PRDM5: variants seen among roughly 807,000 people sequenced by gnomAD.
PRDM5 encodes PR/SET domain 5.
Under a neutral mutation model 81.2 loss-of-function variants are expected in PRDM5, and 56 were observed. That is an observed-to-expected ratio of 0.69 (90% CI 0.56 to 0.86). The LOEUF (loss-of-function observed/expected upper bound fraction) is 0.86, where lower values mean the gene tolerates loss of function less well. Among genes scored for constraint, PRDM5 ranks in the 40% least tolerant of loss-of-function variants. The pLI is 0.00. For synonymous variants in PRDM5, 267 were observed against 256.4 expected (o/e 1.04, Z -0.39); for missense variants, 697 against 770.1 (o/e 0.91, Z 1.12).
chr4:120,775,251 C>CA (rs1177262741), intron 13 of PRDM5, among the ~76,000 whole-genome samples: 1 of 151,800 alleles, frequency 6.6e-6, no homozygotes, highest in African/African-American at 2.4e-5. Context: ...CATAAGACAA[C>CA]AAAAACCATG....
intron 2 of PRDM5, among the ~76,000 whole-genome samples, chr4:120,883,015 T>C (rs1249883104): frequency 6.6e-6 from 1 of 152,256 alleles, no homozygotes; most frequent in African/African-American, 2.4e-5. Context: ...TAGTACTCGC[T>C]GGATCTCAAG....
chr4:120,686,395 A>G lies in PRDM5; in HGVS notation n.104-1370T>C, dbSNP rs560457660. Among the ~76,000 whole-genome samples the G allele has an allele frequency of 3.9e-5, 6 of 152,262 alleles. No individual in the cohort carries two copies. The South Asian group carries it at 1.2e-3, about 32-fold the overall frequency. ...CTAAATTTTAAAATTGATGTGTTAC[A>G]TTGTACCTTTGTTAAAGTATTTCCT... On this transcript the variant is annotated intron_variant and non_coding_transcript_variant, in intron 1 of 1. Transcript: ENST00000513741.
chr4:120,885,819 C>A (rs143056245), intron 2 of PRDM5: 6 of 151,828 alleles, frequency 4.0e-5, no homozygotes, highest in Non-Finnish European at 8.8e-5. Flanking sequence ...AAAATTCCTC[C>A]AGTTCTATAA....
chr4:120,843,274 C>T (rs1191010869), intron 3 of PRDM5, among the ~76,000 whole-genome samples: 3 of 152,130 alleles, frequency 2.0e-5, no homozygotes, highest in Non-Finnish European at 4.4e-5. Context: ...GCAGAGGTCG[C>T]AGTGAGCCGA....
At chr4:120,801,805 C>T (rs550173726) in intron 8 of PRDM5, among the ~76,000 whole-genome samples, 1 of 151,980 alleles carries the variant, frequency 6.6e-6, no homozygotes, top group Non-Finnish European at 1.5e-5. Context: ...GTTTGAGGAC[C>T]AATGATATGA....
At chr4:120,781,075 A>G in intron 12 of PRDM5, 68 bp downstream of exon 12, 1 of 1,289,832 alleles carries the variant, frequency 7.8e-7, no homozygotes, top group East Asian at 2.3e-5. Flanking sequence ...ATCACATGTT[A>G]GTTAACATAT....
chr4:120,760,666 T>C (rs1410655422), intron 13 of PRDM5, among the ~76,000 whole-genome samples: 7 of 151,942 alleles, frequency 4.6e-5, no homozygotes, highest in African/African-American at 9.7e-5. Flanking sequence ...ATGGTAACTA[T>C]AAAAAGTTGA....
intron 2 of PRDM5, among the ~76,000 whole-genome samples, chr4:120,866,725 CT>C (rs1406724322): frequency 3.9e-5 from 6 of 152,162 alleles, no homozygotes; most frequent in Non-Finnish European, 5.9e-5. Context: ...AATACACTCA[CT>C]ACCTTGGTCA....
intron 14 of PRDM5, among the ~76,000 whole-genome samples, chr4:120,742,357 TA>T (rs1288208569): frequency 2.6e-5 from 4 of 152,162 alleles, no homozygotes; most frequent in African/African-American, 9.7e-5. Context: ...CTGGAAACTC[TA>T]AAAAGCAGAG....
chr4:120,777,140 T>C (rs781034988), intron 13 of PRDM5, 48 bp downstream of exon 13: 4 of 1,612,618 alleles, frequency 2.5e-6, no homozygotes, highest in South Asian at 2.2e-5. Context: ...TGGAAGCATG[T>C]GATTTCTCTA....
intron 2 of PRDM5, among the ~76,000 whole-genome samples, chr4:120,867,761 T>A (rs1318268952): frequency 6.6e-6 from 1 of 152,186 alleles, no homozygotes; most frequent in Admixed American, 6.5e-5. Context: ...TTAAAATAAG[T>A]CATCTAAAAT....
intron 2 of PRDM5, among the ~76,000 whole-genome samples, chr4:120,877,762 G>A (rs1762464291): frequency 6.6e-6 from 1 of 152,142 alleles, no homozygotes; most frequent in Non-Finnish European, 1.5e-5. Flanking sequence ...CCAAGATTGT[G>A]CCACTGCATT....
intron 2 of PRDM5, among the ~76,000 whole-genome samples, chr4:120,906,825 C>A (rs1223290359): frequency 1.3e-5 from 2 of 151,918 alleles, no homozygotes; most frequent in Non-Finnish European, 2.9e-5. Context: ...ATTAGAACTT[C>A]AACTAGTAAA....
chr4:120,873,647 A>ATTTC (rs1240066435), intron 2 of PRDM5, among the ~76,000 whole-genome samples: 1 of 152,198 alleles, frequency 6.6e-6, no homozygotes, highest in Admixed American at 6.5e-5. Flanking sequence ...CATCCTACAG[A>ATTTC]TTTCTCATGT....
At chr4:120,822,517 G>A (rs938900412) in intron 3 of PRDM5, among the ~76,000 whole-genome samples, 7 of 152,168 alleles carry the variant, frequency 4.6e-5, no homozygotes, top group Non-Finnish European at 1.0e-4. Flanking sequence ...GAATAGGAGA[G>A]AGGGGAGGAA....
chr4:120,888,869 T>C (rs1436173605), intron 2 of PRDM5, among the ~76,000 whole-genome samples: 1 of 152,250 alleles, frequency 6.6e-6, no homozygotes, highest in African/African-American at 2.4e-5. Flanking sequence ...TTCATGTTCA[T>C]TGGCCATCTG....
Position 120,695,045 on chromosome 4 carries a change from G to T in PRDM5, c.*66C>A. 3 of 1,535,476 alleles carry T rather than the reference G, an allele frequency of 2.0e-6. No individual in the cohort carries two copies. The highest frequency in any genetic ancestry group is 1.8e-6 in the Non-Finnish European group (2 of 1,110,610). ...TTGGCTACTTCTGTTATGCTGATCAGGTGATAAAAATCTGGGATTCATATT... is the reference window on the plus strand; with the variant it reads ...TTGGCTACTTCTGTTATGCTGATCATGTGATAAAAATCTGGGATTCATATT... On this transcript the variant is annotated 3_prime_UTR_variant, in exon 16 of 16. Transcript: ENST00000264808.
intron 15 of PRDM5, 65 bp from the exon 16 acceptor site, chr4:120,695,340 A>G (rs1203554420): frequency 3.2e-6 from 5 of 1,544,884 alleles, no homozygotes; most frequent in African/African-American, 2.8e-5. Flanking sequence ...ACAAAATTTA[A>G]CACTCACACT....
intron 15 of PRDM5, among the ~76,000 whole-genome samples, chr4:120,704,165 C>T (rs1176357080): frequency 6.6e-6 from 1 of 152,196 alleles, no homozygotes; most frequent in Non-Finnish European, 1.5e-5. Context: ...AACACTCCAA[C>T]AGCTTGCTGA....
Sources: gnomAD v4.1 joint callset for allele counts (sites outside exome capture counted in the v4.1 genomes callset) on GRCh38, gnomAD v4.1.1 for gene constraint, MANE v1.5 for transcripts, NCBI Gene and HGNC (gene_info 2026-07-23, HGNC 2026-07-21) for gene names.